The following COX15 variants were observed in gnomAD, a reference collection of about 807,000 sequenced individuals.
The protein encoded by COX15 is heme A synthase COX15.
Under a neutral mutation model 51.9 loss-of-function variants are expected in COX15, and 51 were observed. The ratio of observed to expected loss-of-function variants is 0.98; its 90% CI spans 0.78 to 1.24. The LOEUF is 1.24. COX15 is among the 50% of genes most tolerant of loss of function. The pLI is 0.00. For missense variants in COX15, 420 were observed against 501.1 expected (o/e 0.84, Z 1.55); for synonymous variants, 188 against 190.5 (o/e 0.99, Z 0.11).
rs1406018110 is a variant in COX15, at chr10:99,714,556, TCA to T, written c.*29_*30del. The stretch of plus-strand genomic sequence containing the variant: ...ATCTCTGAAGAGCTCTCAAAAGCAG[TCA>T]CAGTCCCAGGAGGCTGGTCCTCTAA... On this transcript the variant is annotated 3_prime_UTR_variant, in exon 9 of 9. Coordinates refer to ENST00000016171, the MANE Select transcript of COX15 (RefSeq NM_078470.6). The T allele has an allele frequency of 1.2e-6, 2 of 1,613,772 alleles. No individual in the cohort carries two copies. The highest frequency in any genetic ancestry group is 4.5e-5 in the East Asian group (2 of 44,880).
In COX15 at chr10:99,718,497, G is replaced by A; in HGVS notation, c.836C>T (p.Ala279Val). 1 of 1,614,150 alleles carries A rather than the reference G, an allele frequency of 6.2e-7. No homozygotes were observed. The highest frequency in any genetic ancestry group is 1.1e-5 in the South Asian group (1 of 91,082). ...GLVFLTALSG[A>V]FVAGLDAGLV... The stretch of plus-strand genomic sequence containing the variant: ...CCCAGCATCTAGCCCTGCCACAAAA[G>A]CCCCTGTATTCCAAGGTAAATGGTA... The change falls in exon 7 of 9, where the codon GCT becomes GTT. Residue 279 changes from alanine (A) to valine (V), a missense_variant. By Grantham distance (64) the Ala-to-Val change is moderately conservative. Coordinates refer to ENST00000016171, the MANE Select transcript of COX15 (RefSeq NM_078470.6).
chr10:99,705,489 GGGAACCT>G, the COX15 span: 1 of 152,212 alleles, frequency 6.6e-6, no homozygotes, highest in Non-Finnish European at 1.5e-5. Flanking sequence ...GATGGGGACT[GGGAACCT>G]GGATTTGTCT....
chr10:99,720,360 G>A (rs115792672), intron 6 of COX15, among the ~76,000 whole-genome samples: 2,085 of 152,216 alleles, frequency 0.014, 51 homozygotes, highest in African/African-American at 0.047. Context: ...CACGAGAATC[G>A]CTTGGATTTA....
the COX15 span, among the ~76,000 whole-genome samples, chr10:99,700,394 G>A: frequency 6.2e-5 from 8 of 128,356 alleles, no homozygotes; most frequent in South Asian, 2.6e-4. Flanking sequence ...CCAACGTACC[G>A]TGTGTGTGTG....
chr10:99,732,099 C>A lies in COX15; in HGVS notation c.-50G>T, dbSNP rs369819714. On this transcript the variant is annotated 5_prime_UTR_variant, in exon 1 of 9. Transcript: ENST00000016171. ...CTTCCACAACCCAGGGCTCTGTGGT[C>A]TCCCTCCTCCGCCAAGGAAAAGAGA... 223 of 1,586,338 alleles carry A rather than the reference C, an allele frequency of 1.4e-4. No homozygotes were observed. The highest frequency in any genetic ancestry group is 1.9e-4 in the Non-Finnish European group (221 of 1,165,876).
At chr10:99,708,771 T>C (rs1037713360), downstream of COX15, 13 of 949,858 alleles carry the variant, frequency 1.4e-5, no homozygotes, top group African/African-American at 1.8e-5. Flanking sequence ...GTGATAAAAC[T>C]GAGGCCTAGA....
Position 99,723,268 on chromosome 10 carries a change from G to A in COX15, c.750+688C>T, listed in dbSNP as rs141071070. On this transcript the variant is annotated intron_variant, in intron 5 of 8. Transcript: ENST00000016171. ...AGCAATTCTCCTGCCTCAGCCTCTC[G>A]AGTAGCTGGGATTACAGGCATGTGC... Among the ~76,000 whole-genome samples, 1,120 of 151,736 alleles carry A rather than the reference G, an allele frequency of 7.4e-3. 20 individuals carry two copies. The highest frequency in any genetic ancestry group is 0.024 in the African/African-American group (1,001 of 41,326).
Position 99,714,623 on chromosome 10 carries a change from A to G in COX15, c.1197T>C (p.Leu399=), listed in dbSNP as rs919797534. ...SGSLALLTGA[L]WLMNELRRVP... is the part of the protein sequence containing the mutation. ...CTCTTCGGAGTTCATTCATCAGCCA[A>G]AGAGCACCAGTGAGCAAAGCCAAGG... is the stretch of plus-strand genomic sequence containing the variant. The change falls in exon 9 of 9, where the codon CTT becomes CTC. Residue 399 remains leucine (L), a synonymous_variant. Transcript: ENST00000016171. 1 of 1,614,014 alleles carries G rather than the reference A, an allele frequency of 6.2e-7. No homozygotes were observed. The highest frequency in any genetic ancestry group is 8.5e-7 in the Non-Finnish European group (1 of 1,180,014).
chr10:99,719,315 G>A (rs1329192239), intron 6 of COX15, among the ~76,000 whole-genome samples: 1 of 151,864 alleles, frequency 6.6e-6, no homozygotes. Flanking sequence ...TGCCTCCAGG[G>A]TTCATGCAAT....
Position 99,712,315 on chromosome 10 carries a change from T to G in COX15, c.*2272A>C. The G allele has an allele frequency of 1.0e-6, 1 of 985,428 alleles. No individual in the cohort carries two copies. Among genetic ancestry groups the G allele is most frequent in the Non-Finnish European group, 1.2e-6 (1 of 829,922 alleles). The allele number at this position is 985,428 out of a possible 1,614,324, so 61.0% of individuals were successfully genotyped here. A position where few individuals can be genotyped will look rare whatever the true frequency, so the allele number is the denominator to read the frequency against. ...TAGTTCAGAGACTAACGGGAAACGT[T>G]AGGTCATTTATGGCTCTCAGACACG... On this transcript the variant is annotated 3_prime_UTR_variant, in exon 9 of 9. Coordinates refer to ENST00000016171, the MANE Select transcript of COX15 (RefSeq NM_078470.6).
chr10:99,714,902 A>G (rs906109532), intron 8 of COX15, among the ~76,000 whole-genome samples, 184 bp from the exon 9 acceptor site: 3 of 152,194 alleles, frequency 2.0e-5, no homozygotes, highest in Non-Finnish European at 2.9e-5. Context: ...AAATTGATAA[A>G]CCTAAAATTC....
rs934173786 is a variant in COX15, at chr10:99,712,895, G to A, written c.*1692C>T. 7.3e-6 allele frequency: 4 copies of A among 545,568 alleles called. No homozygotes were observed. The highest frequency in any genetic ancestry group is 9.4e-6 in the Non-Finnish European group (4 of 425,834). 33.8% of individuals were successfully genotyped at this position (545,568 alleles called of 1,614,324 possible). On this transcript the variant is annotated 3_prime_UTR_variant, in exon 9 of 9. Coordinates refer to ENST00000016171, the MANE Select transcript of COX15 (RefSeq NM_078470.6). ...GCTCATTCCCTCTTCTGCATGAGAC[G>A]GCTTCAACTTCTCAAGGACAGGAAT...
At chr10:99,719,696 G>T (rs2036698133) in intron 6 of COX15, among the ~76,000 whole-genome samples, 3 of 152,032 alleles carry the variant, frequency 2.0e-5, no homozygotes, top group Admixed American at 2.0e-4. Flanking sequence ...TCACCATGTT[G>T]CCCAGGCTGG....
chr10:99,695,267 G>A, the COX15 span, among the ~76,000 whole-genome samples: 2 of 151,888 alleles, frequency 1.3e-5, no homozygotes, highest in Admixed American at 6.6e-5. Context: ...GCTCACACCT[G>A]TAATCCCAGC....
chr10:99,702,589 T>C, the COX15 span: 1 of 1,613,650 alleles, frequency 6.2e-7, no homozygotes, highest in South Asian at 1.1e-5. Context: ...TACCCAAACC[T>C]GCGGACAGCC....
At chr10:99,714,887 G>A (rs563465753) in intron 8 of COX15, among the ~76,000 whole-genome samples, 169 bp from the exon 9 acceptor site, 20 of 152,096 alleles carry the variant, frequency 1.3e-4, no homozygotes, top group Admixed American at 3.3e-4. Flanking sequence ...AAAGAAATTC[G>A]AACAAAATTG....
chr10:99,729,580 C>G lies in COX15; in HGVS notation c.245G>C (p.Gly82Ala). The change falls in exon 2 of 9, where the codon GGA (glycine) becomes GCA (alanine). Residue 82 changes from glycine to alanine, a missense_variant. Coordinates refer to ENST00000016171, the MANE Select transcript of COX15 (RefSeq NM_078470.6). Reference sequence around the variant, plus strand: ...AGTTACTCCACCAAGAATAACTGCTCCAGCCACTGTTCCACTGCAGACCAG... The same window carrying G: ...AGTTACTCCACCAAGAATAACTGCTGCAGCCACTGTTCCACTGCAGACCAG... ...WLLVCSGTVA[G>A]AVILGGVTRL... 1 of 1,613,922 alleles carries G rather than the reference C, an allele frequency of 6.2e-7. No homozygotes were observed. The highest frequency in any genetic ancestry group is 8.5e-7 in the Non-Finnish European group (1 of 1,180,030).
At chr10:99,697,860 A>ACAGATCTTC in the COX15 span, 1 of 153,056 alleles carries the variant, frequency 6.5e-6, no homozygotes, top group Non-Finnish European at 1.5e-5. Context: ...CTGTCCTTGG[A>ACAGATCTTC]CAGATCTTCA....
chr10:99,697,137 T>C, the COX15 span, among the ~76,000 whole-genome samples: 1 of 152,198 alleles, frequency 6.6e-6, no homozygotes, highest in Non-Finnish European at 1.5e-5. Flanking sequence ...CCCATAAGTC[T>C]ATTTTGTTTT....
Sources: gnomAD v4.1 joint callset for allele counts (sites outside exome capture counted in the v4.1 genomes callset) on GRCh38, gnomAD v4.1.1 for gene constraint, MANE v1.5 for transcripts, NCBI Gene and HGNC (gene_info 2026-07-23, HGNC 2026-07-21) for gene names.